The following KLHL18 variants were observed in gnomAD, a reference collection of about 807,000 sequenced individuals.
KLHL18 encodes the protein kelch like family member 18, also known as kelch-like protein 18.
A neutral mutation model predicts 58.5 loss-of-function variants in KLHL18; 38 were observed. That is an observed-to-expected ratio of 0.65 (90% CI 0.50 to 0.85). The LOEUF is 0.85. Ranked by LOEUF, KLHL18 falls within the 40% of genes least tolerant of loss-of-function variation. The pLI, the probability that KLHL18 is intolerant of heterozygous loss-of-function variation, is 0.00. For synonymous variants in KLHL18, 303 were observed against 301.9 expected (o/e 1.00, Z -0.04); for missense variants, 624 against 778.4 (o/e 0.80, Z 2.36).
Position 47,336,732 on chromosome 3 carries a change from G to C in KLHL18, c.1096G>C (p.Val366Leu), listed in dbSNP as rs1703995930. The C allele has an allele frequency of 6.2e-7, 1 of 1,614,218 alleles. No individual in the cohort carries two copies. The highest frequency in any genetic ancestry group is 8.5e-7 in the Non-Finnish European group (1 of 1,180,012). ...YNPETDTWTR[V>L]GSMNSKRSAM... is the part of the protein sequence containing the mutation. The stretch of plus-strand genomic sequence containing the variant: ...CCCGGAGACAGACACATGGACCAGA[G>C]TGGGGAGCATGAATAGCAAGAGAAG... Residue 366 changes from valine (V) to leucine (L), a missense_variant, in exon 7 of 10, where the codon GTG (valine) becomes CTG (leucine). Val to Leu is a conservative substitution (Grantham distance 32). Coordinates refer to ENST00000232766, the MANE Select transcript of KLHL18 (RefSeq NM_025010.5).
chr3:47,319,041 G>A (rs973247564), intron 1 of KLHL18, among the ~76,000 whole-genome samples: 1 of 152,224 alleles, frequency 6.6e-6, no homozygotes, highest in Non-Finnish European at 1.5e-5. Flanking sequence ...GCAGATAGTT[G>A]GAAAACACTT....
chr3:47,311,786 G>C (rs1436014821), intron 1 of KLHL18, among the ~76,000 whole-genome samples: 2 of 152,168 alleles, frequency 1.3e-5, no homozygotes, highest in African/African-American at 4.8e-5. Context: ...CTTCCCCCTT[G>C]TGTAACTCCA....
chr3:47,330,962 C>T (rs1427294839), intron 4 of KLHL18, among the ~76,000 whole-genome samples: 1 of 151,272 alleles, frequency 6.6e-6, no homozygotes. Flanking sequence ...GAATTCCTGA[C>T]CTCAAGTGAC....
intron 1 of KLHL18, among the ~76,000 whole-genome samples, chr3:47,297,185 C>T (rs1702914726): frequency 6.6e-6 from 1 of 152,204 alleles, no homozygotes; most frequent in South Asian, 2.1e-4. Context: ...AAAACTCCAT[C>T]ACAGAGTGTT....
intron 3 of KLHL18, among the ~76,000 whole-genome samples, chr3:47,325,041 T>C (rs1206408165): frequency 6.6e-6 from 1 of 152,190 alleles, no homozygotes; most frequent in Non-Finnish European, 1.5e-5. Flanking sequence ...CATGGCCTGC[T>C]TTCTGTTTTC....
intron 3 of KLHL18, 91 bp from the exon 4 acceptor site, chr3:47,329,860 A>G (rs1703812873): frequency 1.8e-6 from 2 of 1,084,586 alleles, no homozygotes; most frequent in Middle Eastern, 4.2e-4. Context: ...ATTTGTTTTC[A>G]TTCTGTGGCT....
chr3:47,286,725 G>A (rs1702683607), intron 1 of KLHL18, among the ~76,000 whole-genome samples: 1 of 152,172 alleles, frequency 6.6e-6, no homozygotes, highest in Admixed American at 6.5e-5. Flanking sequence ...TTTTTCTGTG[G>A]GATGTGTTCA....
At chr3:47,293,327 T>A (rs980023484) in intron 1 of KLHL18, among the ~76,000 whole-genome samples, 1 of 152,226 alleles carries the variant, frequency 6.6e-6, no homozygotes, top group Non-Finnish European at 1.5e-5. Flanking sequence ...CAAGAAGACT[T>A]GTTACCAGGT....
intron 3 of KLHL18, among the ~76,000 whole-genome samples, chr3:47,328,176 G>A (rs1487958285): frequency 6.6e-6 from 1 of 151,936 alleles, no homozygotes; most frequent in African/African-American, 2.4e-5. Context: ...ACCAGTCTGG[G>A]CAACATAGGG....
rs1559492293 is a variant in KLHL18, at chr3:47,309,256, C to T, written c.130-10397C>T. On this transcript the variant is annotated intron_variant, in intron 1 of 9. Coordinates refer to ENST00000232766, the MANE Select transcript of KLHL18 (RefSeq NM_025010.5). The stretch of plus-strand genomic sequence containing the variant: ...TATTCGACAAAACCGCCATCGTCAT[C>T]ATGGCCCGTTCTCAATGAGCTGTTG... Among the ~76,000 whole-genome samples the T allele has an allele frequency of 5.9e-5, 9 of 152,406 alleles. No individual in the cohort carries two copies. In the South Asian group the frequency reaches 1.9e-3, roughly 32 times the overall value.
intron 3 of KLHL18, among the ~76,000 whole-genome samples, chr3:47,327,101 T>C (rs1445725975): frequency 6.6e-6 from 1 of 151,904 alleles, no homozygotes. Context: ...GAGCCGGCCG[T>C]GGTGGCGCAC....
At chr3:47,316,352 G>A (rs912705446) in intron 1 of KLHL18, among the ~76,000 whole-genome samples, 1 of 151,510 alleles carries the variant, frequency 6.6e-6, no homozygotes, top group Non-Finnish European at 1.5e-5. Flanking sequence ...GCCAGGTGTG[G>A]TGACTCACGC....
chr3:47,316,023 G>A (rs1048139718), intron 1 of KLHL18, among the ~76,000 whole-genome samples: 1 of 151,980 alleles, frequency 6.6e-6, no homozygotes, highest in Non-Finnish European at 1.5e-5. Context: ...TGGAAAGTGA[G>A]GAAGAACAAT....
chr3:47,299,202 T>G (rs965741467), intron 1 of KLHL18, among the ~76,000 whole-genome samples: 1 of 152,214 alleles, frequency 6.6e-6, no homozygotes, highest in Admixed American at 6.5e-5. Context: ...GCCCAGTTGT[T>G]TGGTCAAACA....
At position 47,305,334 on chromosome 3, in the gene KLHL18, GTTTTTTT is replaced by G. The variant is rs397744565; in HGVS notation, c.130-14302_130-14296del. 4.3e-5 allele frequency among the ~76,000 whole-genome samples: 3 copies of G among 70,388 alleles called. No individual in the cohort carries two copies. In the Admixed American group the frequency reaches 5.7e-4, roughly 13 times the overall value. 46.2% of individuals were successfully genotyped at this position (70,388 alleles called of 152,430 possible). ...ATGGATGAGTGCTGAATTTTGTCAAGTTTTTTTTTTTTTTTTTTTTTTTGCATGGAGA... is the reference window on the plus strand; with the variant it reads ...ATGGATGAGTGCTGAATTTTGTCAAGTTTTTTTTTTTTTTTTGCATGGAGA... On this transcript the variant is annotated intron_variant, in intron 1 of 9. Coordinates refer to ENST00000232766, the MANE Select transcript of KLHL18 (RefSeq NM_025010.5).
intron 1 of KLHL18, among the ~76,000 whole-genome samples, chr3:47,302,963 G>A (rs931050892): frequency 2.6e-5 from 4 of 152,166 alleles, no homozygotes; most frequent in African/African-American, 9.7e-5. Context: ...TCTCTATCAA[G>A]TTGTCTTCTA....
chr3:47,293,353 C>T (rs1340249696), intron 1 of KLHL18, among the ~76,000 whole-genome samples: 2 of 152,194 alleles, frequency 1.3e-5, no homozygotes, highest in Non-Finnish European at 2.9e-5. Flanking sequence ...AGAGAGATTG[C>T]TTATAGTGCT....
chr3:47,319,360 A>C (rs1430836744), intron 1 of KLHL18, among the ~76,000 whole-genome samples: 1 of 152,246 alleles, frequency 6.6e-6, no homozygotes, highest in East Asian at 1.9e-4. Flanking sequence ...CTACCATATA[A>C]GTAAAAACGA....
At chr3:47,307,218 C>T (rs1703172059) in intron 1 of KLHL18, among the ~76,000 whole-genome samples, 1 of 152,126 alleles carries the variant, frequency 6.6e-6, no homozygotes, top group Non-Finnish European at 1.5e-5. Flanking sequence ...ATTACAGGTG[C>T]ATGCCACCAC....
Sources: gnomAD v4.1 joint callset for allele counts (sites outside exome capture counted in the v4.1 genomes callset) on GRCh38, gnomAD v4.1.1 for gene constraint, MANE v1.5 for transcripts, NCBI Gene and HGNC (gene_info 2026-07-23, HGNC 2026-07-21) for gene names.